EPHX3: variants seen among roughly 807,000 people sequenced by gnomAD.
The protein encoded by EPHX3 is epoxide hydrolase 3.
EPHX3 carries 39 observed loss-of-function variants against 40.2 expected under a neutral mutation model. The observed-to-expected ratio is 0.97, with a 90% CI of 0.75 to 1.27. EPHX3 has a LOEUF of 1.27. EPHX3 is among the 50% of genes most tolerant of loss of function. EPHX3 has a pLI of 0.00. For missense variants in EPHX3, 442 were observed against 474.0 expected (o/e 0.93, Z 0.63); for synonymous variants, 213 against 209.7 (o/e 1.02, Z -0.14).
chr19:15,231,736 C>T (rs770163332), intron 2 of EPHX3, 40 bp downstream of exon 2: 5 of 1,605,104 alleles, frequency 3.1e-6, no homozygotes, highest in Non-Finnish European at 4.3e-6. Context: ...CCACCTGCCC[C>T]CGAGTCCCGT....
chr19:15,233,708 G>C (rs1360507598), upstream of EPHX3, among the ~76,000 whole-genome samples: 1 of 152,338 alleles, frequency 6.6e-6, no homozygotes, highest in East Asian at 1.9e-4. Context: ...GAGGAAGTGG[G>C]ACAGGGCCGG....
At chr19:15,236,219 T>A (rs904959433), upstream of EPHX3, 1 of 152,184 alleles carries the variant, frequency 6.6e-6, no homozygotes, top group African/African-American at 2.4e-5. Context: ...TGCATACATA[T>A]AAATTATATA....
At chr19:15,233,624 C>G (rs1037893331), upstream of EPHX3, among the ~76,000 whole-genome samples, 9 of 152,220 alleles carry the variant, frequency 5.9e-5, no homozygotes, top group African/African-American at 2.2e-4. Flanking sequence ...ACCCTGATTC[C>G]TAGGGGGCAG....
At chr19:15,231,545 T>C in intron 2 of EPHX3, 149 bp from the exon 3 acceptor site, 1 of 1,173,808 alleles carries the variant, frequency 8.5e-7, no homozygotes, top group Non-Finnish European at 1.2e-6. Context: ...AGGCAGAGGC[T>C]GAGGCTGAAG....
upstream of EPHX3, among the ~76,000 whole-genome samples, chr19:15,234,850 T>C (rs950925559): frequency 3.9e-5 from 6 of 152,230 alleles, no homozygotes; most frequent in Non-Finnish European, 8.8e-5. Flanking sequence ...GTGGTTTATG[T>C]TCTGCCTCAG....
intron 4 of EPHX3, 113 bp downstream of exon 4, chr19:15,230,849 G>A: frequency 4.2e-6 from 6 of 1,433,044 alleles, no homozygotes; most frequent in Non-Finnish European, 5.7e-6. Context: ...GTTGATTGCT[G>A]CACCCTCAGC....
chr19:15,230,317 C>T (rs1200555133), intron 4 of EPHX3, among the ~76,000 whole-genome samples: 1 of 151,870 alleles, frequency 6.6e-6, no homozygotes, highest in Non-Finnish European at 1.5e-5. Flanking sequence ...TACAAGCGTG[C>T]ACTACCATGC....
At chr19:15,229,999 A>G (rs2047142824) in intron 4 of EPHX3, among the ~76,000 whole-genome samples, 1 of 151,280 alleles carries the variant, frequency 6.6e-6, no homozygotes, top group Non-Finnish European at 1.5e-5. Context: ...ATCAGGTGAT[A>G]TGATAGACAT....
chr19:15,229,394 G>A (rs2047136022), intron 4 of EPHX3, among the ~76,000 whole-genome samples: 1 of 151,916 alleles, frequency 6.6e-6, no homozygotes, highest in African/African-American at 2.4e-5. Context: ...GAGCCCAGGA[G>A]TTCAAGACCA....
chr19:15,230,913 GC>G, intron 4 of EPHX3, 48 bp downstream of exon 4: 4 of 1,601,920 alleles, frequency 2.5e-6, no homozygotes, highest in Non-Finnish European at 3.4e-6. Context: ...ACATGTCCCT[GC>G]CCCCTTGCAC....
intron 4 of EPHX3, among the ~76,000 whole-genome samples, chr19:15,229,312 A>G (rs1030592566): frequency 5.9e-5 from 9 of 152,064 alleles, no homozygotes; most frequent in Non-Finnish European, 1.0e-4. Flanking sequence ...CCCAGGAGGT[A>G]GAGGTTGCCA....
chr19:15,231,637 G>A (rs948949095), intron 2 of EPHX3, 139 bp downstream of exon 2: 2 of 1,008,832 alleles, frequency 2.0e-6, no homozygotes, highest in Admixed American at 4.3e-5. Context: ...GGGATCCTGG[G>A]TATGCTGGCT....
rs1599421153 is a variant in EPHX3 at position 15,231,160 on chromosome 19, G to T, written c.488-70C>A. On this transcript the variant is annotated intron_variant, in intron 3 of 6. Coordinates refer to ENST00000221730, the MANE Select transcript of EPHX3 (RefSeq NM_024794.3). ...ACTGAAGCAGGGATGGGGGAAGTAG[G>T]TTCCAGCAAGGAGAAAGCGGGGGTA... 6 of 1,612,240 alleles carry T rather than the reference G, an allele frequency of 3.7e-6. No individual in the cohort carries two copies. In the East Asian group the frequency reaches 6.7e-5, roughly 18 times the overall value.
chr19:15,235,955 TG>T (rs2047189178), upstream of EPHX3: 1 of 152,044 alleles, frequency 6.6e-6, no homozygotes, highest in Admixed American at 6.6e-5. Flanking sequence ...GGAACAAAAA[TG>T]AGTGGGTGGG....
At position 15,232,151 on chromosome 19, in the gene EPHX3, G is replaced by T; in HGVS notation, c.61C>A (p.Arg21Ser). 4 of 1,531,428 alleles carry T rather than the reference G, an allele frequency of 2.6e-6. No individual in the cohort carries two copies. The highest frequency in any genetic ancestry group is 3.5e-6 in the Non-Finnish European group (4 of 1,146,622). The allele number at this position is 1,531,428 out of a possible 1,614,324, so 94.9% of individuals were successfully genotyped here. Residue 21 changes from arginine to serine, a missense_variant, in exon 1 of 7, where the codon CGC (arginine) becomes AGC (serine). Transcript: ENST00000221730. ...APSRLSLKLL[R>S]AFMWSLVFSV... Reference sequence around the variant, plus strand: ...AACACCAGGCTCCACATGAAGGCGCGCAGCAGCTTCAGCGACAGGCGCGAC... The same window carrying T: ...AACACCAGGCTCCACATGAAGGCGCTCAGCAGCTTCAGCGACAGGCGCGAC...
rs2047116945 is a variant in EPHX3, at chr19:15,227,036, G to C, written c.*401C>G. 4.1e-6 allele frequency: 1 copy of C among 245,016 alleles called. No homozygotes were observed. The highest frequency in any genetic ancestry group is 8.0e-6 in the Non-Finnish European group (1 of 125,686). The allele number at this position is 245,016 out of a possible 1,614,324, so 15.2% of individuals were successfully genotyped here. A position where few individuals can be genotyped will look rare whatever the true frequency, so the allele number is the denominator to read the frequency against. On this transcript the variant is annotated 3_prime_UTR_variant, in exon 7 of 7. Coordinates refer to ENST00000221730, the MANE Select transcript of EPHX3 (RefSeq NM_024794.3). ...GAGTAGCACTGAGCTGAAGACCCAG[G>C]CAGGAGGTCGAAGGCAGGGACAGGA...
At position 15,232,149 on chromosome 19, in the gene EPHX3, G is replaced by T. The variant is rs574195642; in HGVS notation, c.63C>A (p.Arg21=). The T allele has an allele frequency of 1.3e-6, 2 of 1,532,286 alleles. No individual in the cohort carries two copies. Among genetic ancestry groups the T allele is most frequent in the Non-Finnish European group, 1.7e-6 (2 of 1,147,050 alleles). 94.9% of individuals were successfully genotyped at this position (1,532,286 alleles called of 1,614,324 possible). A position where few individuals can be genotyped will look rare whatever the true frequency, so the allele number is the denominator to read the frequency against. ...APSRLSLKLL[R]AFMWSLVFSV... Reference sequence around the variant, plus strand: ...AGAACACCAGGCTCCACATGAAGGCGCGCAGCAGCTTCAGCGACAGGCGCG... The same window carrying T: ...AGAACACCAGGCTCCACATGAAGGCTCGCAGCAGCTTCAGCGACAGGCGCG... The change falls in exon 1 of 7, where the codon CGC becomes CGA. Residue 21 remains arginine, a synonymous_variant. Coordinates refer to ENST00000221730, the MANE Select transcript of EPHX3 (RefSeq NM_024794.3).
chr19:15,231,764 C>T lies in EPHX3; in HGVS notation c.329+12G>A, dbSNP rs202012486. 6.9e-5 allele frequency: 111 copies of T among 1,613,726 alleles called. No homozygotes were observed. The East Asian group carries it at 2.3e-3, about 33-fold the overall frequency. ...AGTCCCGTGGGCCTCAGGCCCCTGG[C>T]CCCAGACGTACCAGTTCTCAGGGAA... is the stretch of plus-strand genomic sequence containing the variant. On this transcript the variant is annotated intron_variant, in intron 2 of 6. Transcript: ENST00000221730.
At chr19:15,233,114 AG>A (rs1257762212), upstream of EPHX3, 1 of 121,902 alleles carries the variant, frequency 8.2e-6, no homozygotes. Flanking sequence ...AGAAGGCGGG[AG>A]CCTGGGCCAA....
Sources: allele counts gnomAD v4.1 joint callset (sites outside exome capture counted in the v4.1 genomes callset), GRCh38; gene constraint gnomAD v4.1.1; transcripts MANE v1.5; gene names NCBI Gene and HGNC (gene_info 2026-07-23, HGNC 2026-07-21).